WWTR1: variants seen among roughly 807,000 people sequenced by gnomAD.
WWTR1 encodes the protein WW domain containing transcription regulator 1.
WWTR1 carries 13 observed loss-of-function variants against 40.1 expected under a neutral mutation model. The ratio of observed to expected loss-of-function variants is 0.32; its 90% CI spans 0.21 to 0.52. The LOEUF (loss-of-function observed/expected upper bound fraction) is 0.52. Ranked by LOEUF, WWTR1 falls within the 20% of genes least tolerant of loss-of-function variation. The probability of loss-of-function intolerance (pLI) is 0.97; values close to 1 mark genes in which losing one functional copy is unlikely to be tolerated. For missense variants in WWTR1, 436 were observed against 523.1 expected, an observed-to-expected ratio of 0.83 and a Z score of 1.63; for synonymous variants, 230 against 210.1, an observed-to-expected ratio of 1.09 and a Z score of -0.82.
intron 1 of WWTR1, among the ~76,000 whole-genome samples, chr3:149,701,146 C>A (rs1399545461): frequency 1.3e-5 from 2 of 151,042 alleles, no homozygotes; most frequent in African/African-American, 2.4e-5. Flanking sequence ...CTTTTTTTTT[C>A]TTTTCTTTTT....
chr3:149,602,920 A>G (rs2108052457), intron 2 of WWTR1, among the ~76,000 whole-genome samples: 1 of 152,236 alleles, frequency 6.6e-6, no homozygotes, highest in South Asian at 2.1e-4. Context: ...TGGGCCTCCC[A>G]AAGTGCTGAG....
rs1000997312 is a variant in WWTR1, at chr3:149,722,514, T to A, written n.459+1566A>T. Among the ~76,000 whole-genome samples, 5 of 152,196 alleles carry A rather than the reference T, an allele frequency of 3.3e-5. No homozygotes were observed. In the East Asian group the frequency reaches 9.6e-4, roughly 29 times the overall value. On this transcript the variant is annotated intron_variant and non_coding_transcript_variant, in intron 4 of 6. Coordinates refer to the WWTR1 transcript ENST00000474080. ...GTAATTTCCATTATGATTTCTTTTA[T>A]TAATTTGTTATTTAAGAGTGTGTTG...
At chr3:149,666,166 T>C (rs1713810501) in intron 2 of WWTR1, among the ~76,000 whole-genome samples, 1 of 152,100 alleles carries the variant, frequency 6.6e-6, no homozygotes, top group Admixed American at 6.6e-5. Flanking sequence ...CCTTGTCTTA[T>C]TTTTCTTGGT....
chr3:149,620,676 T>C (rs1490156640), intron 2 of WWTR1, among the ~76,000 whole-genome samples: 3 of 151,702 alleles, frequency 2.0e-5, no homozygotes, highest in Non-Finnish European at 4.4e-5. Context: ...CCAACACAAA[T>C]GCCTAGATCA....
Position 149,518,224 on chromosome 3 carries a change from TCTAA to T in WWTR1, c.*2577_*2580del, listed in dbSNP as rs1301191616. ...ATTTATTATATTCATTCATAAATGTTCTAACTAATTTAACTAAAAAAATCTTCTA... is the reference window on the plus strand; with the variant it reads ...ATTTATTATATTCATTCATAAATGTTCTAATTTAACTAAAAAAATCTTCTA... On this transcript the variant is annotated 3_prime_UTR_variant, in exon 7 of 7. Transcript: ENST00000360632. The T allele has an allele frequency of 6.6e-6, 1 of 152,094 alleles. No individual in the cohort carries two copies. Among genetic ancestry groups the T allele is most frequent in the Non-Finnish European group, 1.5e-5 (1 of 68,006 alleles). The allele number at this position is 152,094 out of a possible 1,614,324, so 9.4% of individuals were successfully genotyped here.
intron 2 of WWTR1, among the ~76,000 whole-genome samples, chr3:149,629,436 G>A (rs1370563849): frequency 6.6e-6 from 1 of 152,184 alleles, no homozygotes; most frequent in African/African-American, 2.4e-5. Context: ...TCTGCTAAGC[G>A]AAGCTAACCC....
chr3:149,719,718 C>A (rs1344169404), intron 4 of WWTR1, among the ~76,000 whole-genome samples: 1 of 152,162 alleles, frequency 6.6e-6, no homozygotes, highest in Non-Finnish European at 1.5e-5. Context: ...TTATACCATT[C>A]TATATCCCCC....
intron 1 of WWTR1, among the ~76,000 whole-genome samples, chr3:149,679,003 G>T (rs1714367100): frequency 6.6e-6 from 1 of 151,890 alleles, no homozygotes; most frequent in Non-Finnish European, 1.5e-5. Context: ...CTAATTTTTT[G>T]TATTTTTAGT....
chr3:149,624,015 G>A (rs1044110296), intron 2 of WWTR1, among the ~76,000 whole-genome samples: 12 of 152,150 alleles, frequency 7.9e-5, no homozygotes, highest in African/African-American at 2.7e-4. Context: ...TGTGGTTATC[G>A]TCTGCCCAGA....
intron 3 of WWTR1, among the ~76,000 whole-genome samples, chr3:149,562,160 T>C (rs941982727): frequency 6.6e-6 from 1 of 151,980 alleles, no homozygotes; most frequent in Non-Finnish European, 1.5e-5. Flanking sequence ...CCGGGCATGG[T>C]GGCGTGTGCC....
intron 2 of WWTR1, among the ~76,000 whole-genome samples, chr3:149,604,433 A>G (rs1224282949): frequency 1.3e-5 from 2 of 152,200 alleles, no homozygotes; most frequent in Non-Finnish European, 2.9e-5. Context: ...CAGGAAATCA[A>G]TGCTAGCAGG....
intron 4 of WWTR1, 35 bp from the exon 5 acceptor site, chr3:149,528,004 C>T (rs1735407937): frequency 6.3e-7 from 1 of 1,597,590 alleles, no homozygotes; most frequent in Non-Finnish European, 8.5e-7. Context: ...GTCATGCACT[C>T]ATTGTCACAA....
intron 2 of WWTR1, among the ~76,000 whole-genome samples, chr3:149,664,901 C>A (rs969847493): frequency 5.3e-5 from 8 of 152,052 alleles, no homozygotes; most frequent in African/African-American, 1.7e-4. Flanking sequence ...AAGGCACTAT[C>A]TTTTGTCTGA....
intron 2 of WWTR1, among the ~76,000 whole-genome samples, chr3:149,605,101 G>A (rs1173248719): frequency 2.0e-5 from 3 of 152,180 alleles, no homozygotes; most frequent in East Asian, 1.9e-4. Flanking sequence ...CAATACACAG[G>A]AGAAACTGTA....
At chr3:149,534,565 C>T (rs938328016) in intron 4 of WWTR1, among the ~76,000 whole-genome samples, 2 of 152,166 alleles carry the variant, frequency 1.3e-5, no homozygotes, top group Non-Finnish European at 2.9e-5. Context: ...TGATAGTTTT[C>T]AACGTATATG....
At chr3:149,709,427 T>A (rs983169063) in intron 5 of WWTR1, among the ~76,000 whole-genome samples, 5 of 152,188 alleles carry the variant, frequency 3.3e-5, no homozygotes, top group African/African-American at 4.8e-5. Context: ...TTTAGAGAAA[T>A]GTATGTTCAA....
chr3:149,522,227 T>C (rs1735084379), intron 6 of WWTR1, among the ~76,000 whole-genome samples: 2 of 152,206 alleles, frequency 1.3e-5, no homozygotes, highest in African/African-American at 4.8e-5. Context: ...GTAGCCTTCC[T>C]GAAACGTGTG....
intron 4 of WWTR1, among the ~76,000 whole-genome samples, chr3:149,535,472 GA>G (rs926586866): frequency 3.9e-5 from 6 of 152,028 alleles, no homozygotes; most frequent in African/African-American, 1.4e-4. Flanking sequence ...CTGCCTTTTT[GA>G]AACAACTCAT....
intron 3 of WWTR1, among the ~76,000 whole-genome samples, chr3:149,562,736 T>G (rs1489231938): frequency 6.6e-6 from 1 of 151,994 alleles, no homozygotes; most frequent in African/African-American, 2.4e-5. Flanking sequence ...AATGATATTG[T>G]TTTGCTGACT....
Sources: allele counts gnomAD v4.1 joint callset (sites outside exome capture counted in the v4.1 genomes callset), GRCh38; gene constraint gnomAD v4.1.1; transcripts MANE v1.5; gene names NCBI Gene and HGNC (gene_info 2026-07-23, HGNC 2026-07-21).